Variants in UNC13C observed in about 807,000 individuals in gnomAD.
UNC13C encodes unc-13 homolog C.
A neutral mutation model predicts 245.4 loss-of-function variants in UNC13C; 174 were observed. The observed-to-expected ratio is 0.71, with a 90% confidence interval of 0.63 to 0.80. UNC13C has a LOEUF of 0.80. Among genes scored for constraint, UNC13C ranks in the 30% least tolerant of loss-of-function variants. The pLI is 0.00. For synonymous variants in UNC13C, 992 were observed against 895.1 expected, an observed-to-expected ratio of 1.11 and a Z score of -1.93; for missense variants, 2,829 against 2,602.9, an observed-to-expected ratio of 1.09 and a Z score of -1.89.
chr15:54,322,807 G>A (rs1039058669), intron 14 of UNC13C, among the ~76,000 whole-genome samples: 3 of 151,984 alleles, frequency 2.0e-5, no homozygotes, highest in Non-Finnish European at 4.4e-5. Context: ...AATTAAAAAT[G>A]AGTGGAGATG....
intron 30 of UNC13C, among the ~76,000 whole-genome samples, chr15:54,605,475 A>G (rs1480203956): frequency 2.6e-5 from 4 of 152,062 alleles, no homozygotes; most frequent in Non-Finnish European, 5.9e-5. Context: ...GAGCCCCCAT[A>G]CTTGTAGGTC....
At chr15:53,997,024 C>T (rs1331857925) in intron 1 of UNC13C, among the ~76,000 whole-genome samples, 1 of 151,950 alleles carries the variant, frequency 6.6e-6, no homozygotes, top group African/African-American at 2.4e-5. Flanking sequence ...TTACATTGTC[C>T]TCTGCAATGT....
intron 25 of UNC13C, among the ~76,000 whole-genome samples, chr15:54,532,072 G>A (rs773850643): frequency 6.6e-6 from 1 of 152,060 alleles, no homozygotes; most frequent in Non-Finnish European, 1.5e-5. Context: ...TTGTTACATA[G>A]GTAAACTTGT....
intron 8 of UNC13C, among the ~76,000 whole-genome samples, chr15:54,261,096 C>A (rs2036412342): frequency 6.6e-6 from 1 of 152,222 alleles, no homozygotes; most frequent in South Asian, 2.1e-4. Context: ...TGATGCATTT[C>A]ATTTGGATAT....
At chr15:54,059,079 T>A (rs369735076) in intron 2 of UNC13C, among the ~76,000 whole-genome samples, 4 of 152,182 alleles carry the variant, frequency 2.6e-5, no homozygotes, top group Admixed American at 6.5e-5. Flanking sequence ...TCTTTACCCC[T>A]CCTATTCAAC....
intron 19 of UNC13C, among the ~76,000 whole-genome samples, chr15:54,476,877 G>T (rs2141053931): frequency 6.6e-6 from 1 of 151,202 alleles, no homozygotes; most frequent in African/African-American, 2.4e-5. Flanking sequence ...GGATGGCATT[G>T]AATCTATAAA....
At chr15:54,544,142 A>G (rs1042863988) in intron 26 of UNC13C, among the ~76,000 whole-genome samples, 11 of 152,204 alleles carry the variant, frequency 7.2e-5, no homozygotes, top group Non-Finnish European at 1.2e-4. Context: ...GGTTCAACAT[A>G]CACAAATCAG....
Position 54,013,796 on chromosome 15 carries a change from C to T in UNC13C, c.893C>T (p.Ser298Phe). Reference sequence around the variant, plus strand: ...CAGTTGCGCACAGGGTTTGTCCAGTCTCGGAGGGAAACTAGAGACATCCAT... The same window carrying T: ...CAGTTGCGCACAGGGTTTGTCCAGTTTCGGAGGGAAACTAGAGACATCCAT... ...IEQLRTGFVQ[S>F]RRETRDIHDY... The change falls in exon 2 of 33, where the codon TCT becomes TTT. Residue 298 changes from serine to phenylalanine, a missense_variant. Physicochemically the swap from Ser to Phe is radical, Grantham distance 155. Transcript: ENST00000260323. 1 of 1,611,508 alleles carries T rather than the reference C, an allele frequency of 6.2e-7. No individual in the cohort carries two copies.
intron 1 of UNC13C, among the ~76,000 whole-genome samples, chr15:54,010,755 A>T (rs1895347238): frequency 6.6e-6 from 1 of 152,210 alleles, no homozygotes; most frequent in Non-Finnish European, 1.5e-5. Context: ...CATAGTCTAG[A>T]TGAGAAATGA....
the UNC13C span, among the ~76,000 whole-genome samples, chr15:53,886,424 A>T: frequency 6.6e-6 from 1 of 152,198 alleles, no homozygotes; most frequent in Non-Finnish European, 1.5e-5. Context: ...CAAAGCTAGA[A>T]AAAGGTGAGG....
At chr15:54,191,719 T>G (rs2034189997) in intron 4 of UNC13C, among the ~76,000 whole-genome samples, 1 of 152,180 alleles carries the variant, frequency 6.6e-6, no homozygotes, top group South Asian at 2.1e-4. Flanking sequence ...ATCTGTTGTT[T>G]CCTGACTTTT....
chr15:54,112,197 C>T (rs565451911), intron 2 of UNC13C, among the ~76,000 whole-genome samples: 41 of 152,252 alleles, frequency 2.7e-4, no homozygotes, highest in African/African-American at 9.6e-4. Flanking sequence ...ACCTGAGGTT[C>T]GTTGCCTCAT....
At chr15:54,083,716 C>A (rs753151048) in intron 2 of UNC13C, among the ~76,000 whole-genome samples, 8 of 152,054 alleles carry the variant, frequency 5.3e-5, no homozygotes, top group Admixed American at 3.9e-4. Flanking sequence ...CAGCCTACAC[C>A]AAGGGTTAGA....
chr15:53,885,049 A>C, the UNC13C span, among the ~76,000 whole-genome samples: 2 of 152,232 alleles, frequency 1.3e-5, no homozygotes, highest in Non-Finnish European at 2.9e-5. Flanking sequence ...TTATCACACA[A>C]AGAGTGGATC....
chr15:54,276,457 C>T (rs117347824), intron 10 of UNC13C, among the ~76,000 whole-genome samples: 1,522 of 152,170 alleles, frequency 0.01, 20 homozygotes, highest in Non-Finnish European at 0.016. Flanking sequence ...ACAGTAATAT[C>T]AGTGATCCTG....
chr15:53,920,411 G>T, the UNC13C span, among the ~76,000 whole-genome samples: 2 of 152,086 alleles, frequency 1.3e-5, no homozygotes, highest in Non-Finnish European at 2.9e-5. Flanking sequence ...AAAATTAGCT[G>T]GGTGTGGTGG....
intron 2 of UNC13C, among the ~76,000 whole-genome samples, chr15:54,080,978 T>G (rs530778458): frequency 6.6e-6 from 1 of 152,146 alleles, no homozygotes; most frequent in African/African-American, 2.4e-5. Context: ...ACTGTTTTGT[T>G]GTATCTCCAT....
intron 17 of UNC13C, among the ~76,000 whole-genome samples, chr15:54,347,081 T>C (rs1460566760): frequency 4.6e-5 from 7 of 152,114 alleles, no homozygotes; most frequent in Admixed American, 4.6e-4. Context: ...ATATTAATAG[T>C]GATTATTGCT....
At chr15:54,250,591 C>A in intron 8 of UNC13C, 147 bp downstream of exon 8, 1 of 695,658 alleles carries the variant, frequency 1.4e-6, no homozygotes, top group Non-Finnish European at 2.3e-6. Flanking sequence ...ACATACTGTC[C>A]ATCAAATCAC....
Sources: gnomAD v4.1 joint callset for allele counts (sites outside exome capture counted in the v4.1 genomes callset) on GRCh38, gnomAD v4.1.1 for gene constraint, MANE v1.5 for transcripts, NCBI Gene and HGNC (gene_info 2026-07-23, HGNC 2026-07-21) for gene names.